Variants in CNIH3 observed in about 807,000 individuals in gnomAD.
The protein encoded by CNIH3 is cornichon family AMPA receptor auxiliary protein 3.
In CNIH3, 14 loss-of-function variants were observed where a neutral mutation model predicts 24.1. The observed-to-expected ratio is 0.58, with a 90% CI of 0.38 to 0.91. CNIH3 has a LOEUF of 0.91. Ranked by LOEUF, CNIH3 falls within the 40% of genes least tolerant of loss-of-function variation. The pLI is 0.00. For missense variants in CNIH3, 178 were observed against 196.8 expected, an observed-to-expected ratio of 0.90 and a Z score of 0.57; for synonymous variants, 68 against 73.8, an observed-to-expected ratio of 0.92 and a Z score of 0.40.
intron 3 of CNIH3, among the ~76,000 whole-genome samples, chr1:224,687,220 G>A (rs887839642): frequency 6.6e-6 from 1 of 152,160 alleles, no homozygotes; most frequent in Admixed American, 6.5e-5. Context: ...GCAGAAATAA[G>A]CCATGTACCT....
intron 2 of CNIH3, among the ~76,000 whole-genome samples, chr1:224,523,376 ACTATTG>A (rs1165942541): frequency 1.3e-5 from 2 of 152,254 alleles, no homozygotes; most frequent in African/African-American, 4.8e-5. Flanking sequence ...CACAGAACAA[ACTATTG>A]CTATGTGCAA....
downstream of CNIH3, among the ~76,000 whole-genome samples, chr1:224,592,467 C>T (rs1397478759): frequency 6.6e-6 from 1 of 152,152 alleles, no homozygotes; most frequent in Non-Finnish European, 1.5e-5. Flanking sequence ...GACTTGTTAG[C>T]TGTAGGGTTA....
At chr1:224,537,503 C>T (rs1679333899), downstream of CNIH3, 1 of 152,182 alleles carries the variant, frequency 6.6e-6, no homozygotes, top group African/African-American at 2.4e-5. Context: ...TTTGAGTTGT[C>T]CTGCCTTTCC....
intron 1 of CNIH3, among the ~76,000 whole-genome samples, chr1:224,469,337 C>T (rs1257050241): frequency 2.7e-5 from 4 of 150,450 alleles, no homozygotes; most frequent in Admixed American, 6.6e-5. Flanking sequence ...CCACCTTGGC[C>T]TCCCAAACTG....
At chr1:224,436,067 T>C (rs1421143248) in intron 1 of CNIH3, among the ~76,000 whole-genome samples, 1 of 152,232 alleles carries the variant, frequency 6.6e-6, no homozygotes, top group Admixed American at 6.5e-5. Context: ...TCCTGAGGTT[T>C]ATGGATCCTC....
intron 3 of CNIH3, among the ~76,000 whole-genome samples, chr1:224,713,682 C>T (rs1473652858): frequency 6.6e-6 from 1 of 151,950 alleles, no homozygotes; most frequent in Non-Finnish European, 1.5e-5. Flanking sequence ...TACATATAGC[C>T]CAGTTTATTG....
chr1:224,635,865 C>T (rs1684062835), intron 1 of CNIH3, among the ~76,000 whole-genome samples: 1 of 152,110 alleles, frequency 6.6e-6, no homozygotes, highest in Non-Finnish European at 1.5e-5. Flanking sequence ...GTGTGTGCCA[C>T]CACACCTGGC....
At chr1:224,572,659 A>C (rs992910818) in intron 4 of CNIH3, among the ~76,000 whole-genome samples, 7 of 151,564 alleles carry the variant, frequency 4.6e-5, no homozygotes, top group African/African-American at 1.5e-4. Flanking sequence ...TTTCTGCCCC[A>C]AAAAATGCTG....
chr1:224,528,004 G>A (rs563191966), intron 2 of CNIH3, among the ~76,000 whole-genome samples: 1 of 152,308 alleles, frequency 6.6e-6, no homozygotes, highest in East Asian at 1.9e-4. Flanking sequence ...GCTCATGCCT[G>A]TAATTCCAGC....
At chr1:224,512,012 C>G (rs1474541627), upstream of CNIH3, among the ~76,000 whole-genome samples, 1 of 150,952 alleles carries the variant, frequency 6.6e-6, no homozygotes, top group Non-Finnish European at 1.5e-5. Flanking sequence ...CCCGTCTCTA[C>G]TAAAAATACA....
chr1:224,520,105 C>T (rs1199281321), intron 1 of CNIH3, among the ~76,000 whole-genome samples: 1 of 152,182 alleles, frequency 6.6e-6, no homozygotes, highest in Non-Finnish European at 1.5e-5. Context: ...TCTCCCCTGG[C>T]ACCATTTACT....
At chr1:224,596,573 A>G (rs1681988829) in intron 3 of CNIH3, among the ~76,000 whole-genome samples, 1 of 152,178 alleles carries the variant, frequency 6.6e-6, no homozygotes, top group South Asian at 2.1e-4. Context: ...AATTACATAC[A>G]TTTTATAAGG....
intron 1 of CNIH3, among the ~76,000 whole-genome samples, chr1:224,438,657 C>T (rs1445666419): frequency 3.3e-5 from 5 of 152,232 alleles, no homozygotes; most frequent in African/African-American, 1.2e-4. Context: ...CTTTGGAACA[C>T]TAAAATTGTC....
chr1:224,541,073 TA>T (rs1314216588), downstream of CNIH3, among the ~76,000 whole-genome samples: 2 of 152,216 alleles, frequency 1.3e-5, no homozygotes, highest in African/African-American at 2.4e-5. Context: ...AAAAATTAAG[TA>T]AAAAATTCCA....
At chr1:224,584,069 G>A (rs1241594888) in intron 5 of CNIH3, among the ~76,000 whole-genome samples, 1 of 152,102 alleles carries the variant, frequency 6.6e-6, no homozygotes, top group East Asian at 1.9e-4. Flanking sequence ...TTCACTGACA[G>A]CATAGTTCTT....
intron 1 of CNIH3, chr1:224,454,401 C>A: frequency 1.3e-6 from 1 of 789,068 alleles, no homozygotes; most frequent in Non-Finnish European, 1.5e-6. Flanking sequence ...TGTCATAAAC[C>A]ATCCAGAGAG....
At chr1:224,462,897 C>CTTTTTTTTTTTTTTTTTTTTTTT (rs71572901) in intron 1 of CNIH3, among the ~76,000 whole-genome samples, 3 of 73,400 alleles carry the variant, frequency 4.1e-5, no homozygotes, top group African/African-American at 5.3e-5. Flanking sequence ...ATATGTTTAA[C>CTTTTTTTTTTTTTTTTTTTTTTT]TTTTTTTTTT....
At chr1:224,461,389 G>A (rs1159887981) in intron 1 of CNIH3, among the ~76,000 whole-genome samples, 1 of 152,158 alleles carries the variant, frequency 6.6e-6, no homozygotes, top group Non-Finnish European at 1.5e-5. Flanking sequence ...TTTATAGCCA[G>A]TATGGCTTTT....
At position 224,674,272 on chromosome 1, in the gene CNIH3, G is replaced by GTTTTTTTTT. The variant is rs71170028; in HGVS notation, c.82-6659_82-6651dup. Among the ~76,000 whole-genome samples, 53 of 72,060 alleles carry GTTTTTTTTT rather than the reference G, an allele frequency of 7.4e-4. 3 individuals are homozygous for GTTTTTTTTT. The highest frequency in any genetic ancestry group is 1.3e-3 in the African/African-American group (24 of 18,640). 47.3% of individuals were successfully genotyped at this position (72,060 alleles called of 152,430 possible). On this transcript the variant is annotated intron_variant, in intron 1 of 5. Transcript: ENST00000272133. ...AATCGTTTCTTCATCTTCCAGGAAGGTTTTTTTTTTTTTTTTTTTTTTTTT... is the reference window on the plus strand; with the variant it reads ...AATCGTTTCTTCATCTTCCAGGAAGGTTTTTTTTTTTTTTTTTTTTTTTTTTTTTTTTTT...
Sources: gnomAD v4.1 joint callset for allele counts (sites outside exome capture counted in the v4.1 genomes callset) on GRCh38, gnomAD v4.1.1 for gene constraint, MANE v1.5 for transcripts, NCBI Gene and HGNC (gene_info 2026-07-23, HGNC 2026-07-21) for gene names.